NCAM2: variants seen among roughly 807,000 people sequenced by gnomAD.
The protein encoded by NCAM2 is neural cell adhesion molecule 2.
NCAM2 carries 30 observed loss-of-function variants against 98.1 expected under a neutral mutation model. The observed-to-expected ratio is 0.31, with a 90% CI of 0.23 to 0.41. The LOEUF (loss-of-function observed/expected upper bound fraction) is 0.41. Among genes scored for constraint, NCAM2 ranks in the 10% least tolerant of loss-of-function variants. The pLI is 1.00. For missense variants in NCAM2, 867 were observed against 1,005.8 expected (o/e 0.86, Z 1.87); for synonymous variants, 368 against 342.4 (o/e 1.07, Z -0.83).
chr21:21,284,715 T>TG (rs1230030013), intron 3 of NCAM2, among the ~76,000 whole-genome samples: 3 of 151,792 alleles, frequency 2.0e-5, no homozygotes, highest in Non-Finnish European at 4.4e-5. Flanking sequence ...TCAGCATTTT[T>TG]TTTTTCACTG....
chr21:21,198,791 A>G (rs2069103536), intron 1 of NCAM2, among the ~76,000 whole-genome samples: 1 of 152,160 alleles, frequency 6.6e-6, no homozygotes, highest in African/African-American at 2.4e-5. Context: ...TTAGCACATA[A>G]AAAAGTACTT....
chr21:21,418,450 A>G (rs1329974632), intron 10 of NCAM2, 23 bp from the exon 11 acceptor site: 2 of 1,541,722 alleles, frequency 1.3e-6, no homozygotes, highest in East Asian at 2.3e-5. Context: ...GAATTGTAAC[A>G]TTTGTTATTA....
chr21:21,419,733 G>A (rs1264175720), intron 11 of NCAM2, among the ~76,000 whole-genome samples: 1 of 151,904 alleles, frequency 6.6e-6, no homozygotes, highest in East Asian at 1.9e-4. Flanking sequence ...GTGTATATGT[G>A]CCACATTTTC....
chr21:21,007,878 T>C (rs1278576311), intron 1 of NCAM2, among the ~76,000 whole-genome samples: 1 of 152,160 alleles, frequency 6.6e-6, no homozygotes, highest in Non-Finnish European at 1.5e-5. Context: ...CTTGGCCTTA[T>C]TTTACCCAGA....
intron 6 of NCAM2, among the ~76,000 whole-genome samples, chr21:21,326,197 A>G (rs1337845771): frequency 6.6e-6 from 1 of 152,160 alleles, no homozygotes; most frequent in Non-Finnish European, 1.5e-5. Flanking sequence ...GTTAGAACAT[A>G]TGTCCTTGAA....
chr21:21,474,098 G>C (rs1370999229), intron 14 of NCAM2, among the ~76,000 whole-genome samples: 1 of 151,776 alleles, frequency 6.6e-6, no homozygotes, highest in African/African-American at 2.4e-5. Flanking sequence ...TTCAACCTTT[G>C]TAAATTAGAC....
At chr21:21,086,525 T>C (rs2065908606) in intron 1 of NCAM2, among the ~76,000 whole-genome samples, 1 of 152,212 alleles carries the variant, frequency 6.6e-6, no homozygotes, top group African/African-American at 2.4e-5. Flanking sequence ...AGTTTATCTC[T>C]GACACCATTT....
intron 12 of NCAM2, among the ~76,000 whole-genome samples, chr21:21,442,952 A>G (rs1250727944): frequency 1.3e-5 from 2 of 152,158 alleles, no homozygotes; most frequent in Non-Finnish European, 2.9e-5. Flanking sequence ...CGCCCCTCCT[A>G]CAAACACTGG....
chr21:21,136,623 G>GGTTTTTTTTTTTTTTTTTTTTTT (rs373375869), intron 1 of NCAM2, among the ~76,000 whole-genome samples: 1 of 55,750 alleles, frequency 1.8e-5, no homozygotes. Flanking sequence ...CACCACGCCT[G>GGTTTTTTTTTTTTTTTTTTTTTT]TTTTTTGTTT....
At chr21:21,144,595 G>A (rs961736086) in intron 1 of NCAM2, among the ~76,000 whole-genome samples, 2 of 118,440 alleles carry the variant, frequency 1.7e-5, no homozygotes, top group African/African-American at 6.3e-5. Context: ...TCATTCAATC[G>A]AAATGTCTGT....
chr21:21,061,043 T>C (rs1375995938), intron 1 of NCAM2, among the ~76,000 whole-genome samples: 1 of 152,138 alleles, frequency 6.6e-6, no homozygotes, highest in Non-Finnish European at 1.5e-5. Flanking sequence ...ATAAGTTTGC[T>C]GAGAGGAAAA....
At chr21:21,513,278 C>T (rs1441748589) in intron 16 of NCAM2, among the ~76,000 whole-genome samples, 1 of 151,940 alleles carries the variant, frequency 6.6e-6, no homozygotes, top group African/African-American at 2.4e-5. Context: ...CTTTAAGATG[C>T]ATTGTAAGGT....
At chr21:21,158,673 C>T (rs901864110) in intron 1 of NCAM2, among the ~76,000 whole-genome samples, 1 of 151,882 alleles carries the variant, frequency 6.6e-6, no homozygotes, top group Non-Finnish European at 1.5e-5. Context: ...ACAAAGTAGC[C>T]ATTGTAACAC....
intron 1 of NCAM2, among the ~76,000 whole-genome samples, chr21:21,061,671 G>A (rs959215800): frequency 6.6e-6 from 1 of 151,976 alleles, no homozygotes; most frequent in Non-Finnish European, 1.5e-5. Flanking sequence ...AAATCAAGTC[G>A]TTTGAATGTT....
chr21:21,324,544 G>T, intron 6 of NCAM2, 44 bp downstream of exon 6: 1 of 1,287,226 alleles, frequency 7.8e-7, no homozygotes. Flanking sequence ...TCCATTATCA[G>T]GCTTATGGAA....
chr21:21,167,728 C>T (rs762512760), intron 1 of NCAM2, among the ~76,000 whole-genome samples: 2 of 152,136 alleles, frequency 1.3e-5, no homozygotes, highest in Non-Finnish European at 2.9e-5. Flanking sequence ...ACACAGAACA[C>T]ACCAATTCCT....
chr21:21,216,807 C>T (rs2069921490), intron 1 of NCAM2, among the ~76,000 whole-genome samples: 1 of 152,188 alleles, frequency 6.6e-6, no homozygotes, highest in Admixed American at 6.5e-5. Flanking sequence ...GAGTCTGCTT[C>T]AGGTTCCCTT....
rs1374583174 is a variant in NCAM2 at position 21,452,734 on chromosome 21, AAT to A, written c.1655-13864_1655-13863del. ...ATATATATTACTTTATATATTATATAATATATATAATATATAATATATTACTT... is the reference window on the plus strand; with the variant it reads ...ATATATATTACTTTATATATTATATAATATATAATATATAATATATTACTT... On this transcript the variant is annotated intron_variant, in intron 12 of 17. Transcript: ENST00000400546. 1.8e-4 allele frequency among the ~76,000 whole-genome samples: 20 copies of A among 108,414 alleles called. 1 individual carries two copies. The highest frequency in any genetic ancestry group is 1.8e-3 in the Admixed American group (14 of 7,850). 71.1% of individuals were successfully genotyped at this position (108,414 alleles called of 152,430 possible). A position where few individuals can be genotyped will look rare whatever the true frequency, so the allele number is the denominator to read the frequency against.
chr21:21,399,762 T>C (rs1262576680), intron 9 of NCAM2, among the ~76,000 whole-genome samples: 2 of 152,164 alleles, frequency 1.3e-5, no homozygotes, highest in East Asian at 3.9e-4. Flanking sequence ...AGCTTCACCC[T>C]GCTCAGACAC....
Sources: allele counts gnomAD v4.1 joint callset (sites outside exome capture counted in the v4.1 genomes callset), GRCh38; gene constraint gnomAD v4.1.1; transcripts MANE v1.5; gene names NCBI Gene and HGNC (gene_info 2026-07-23, HGNC 2026-07-21).